The following PTPRB variants were observed in gnomAD, a reference collection of about 807,000 sequenced individuals.
PTPRB encodes the protein protein tyrosine phosphatase receptor type B, also known as receptor-type tyrosine-protein phosphatase beta.
A neutral mutation model predicts 238.1 loss-of-function variants in PTPRB; 97 were observed. The ratio of observed to expected loss-of-function variants is 0.41; its 90% CI spans 0.35 to 0.48. PTPRB has a LOEUF of 0.48. PTPRB is among the 20% of genes least tolerant of loss of function. PTPRB has a pLI of 0.30. For missense variants in PTPRB, 2,292 were observed against 2,681.9 expected (o/e 0.85, Z 3.21); for synonymous variants, 970 against 995.4 (o/e 0.97, Z 0.48).
intron 2 of PTPRB, among the ~76,000 whole-genome samples, chr12:70,626,133 T>G (rs771917650): frequency 1.3e-5 from 2 of 149,456 alleles, no homozygotes; most frequent in Non-Finnish European, 2.9e-5. Flanking sequence ...ATAACTTGAA[T>G]GAAACTCATT....
intron 3 of PTPRB, among the ~76,000 whole-genome samples, chr12:70,611,468 G>T (rs1487640521): frequency 6.6e-6 from 1 of 151,280 alleles, no homozygotes; most frequent in Admixed American, 6.6e-5. Flanking sequence ...TTTTTTGTGT[G>T]TGTGTATTTT....
At chr12:70,630,973 G>T (rs1373012257) in intron 2 of PTPRB, among the ~76,000 whole-genome samples, 1 of 152,164 alleles carries the variant, frequency 6.6e-6, no homozygotes, top group Non-Finnish European at 1.5e-5. Flanking sequence ...TGGATAGGAA[G>T]AATCAATATC....
intron 2 of PTPRB, among the ~76,000 whole-genome samples, chr12:70,631,602 T>TTC (rs1885456960): frequency 1.3e-5 from 2 of 151,910 alleles, no homozygotes; most frequent in Non-Finnish European, 2.9e-5. Context: ...ACTAAAGAGC[T>TTC]TCTGCACAGC....
intron 20 of PTPRB, among the ~76,000 whole-genome samples, chr12:70,554,731 T>G (rs527717933): frequency 9.9e-5 from 15 of 152,170 alleles, no homozygotes; most frequent in Non-Finnish European, 1.8e-4. Flanking sequence ...TTGAGGCATT[T>G]GAGACAGGGA....
rs1277697610 is a variant in PTPRB at position 70,581,314 on chromosome 12, G to A, written c.2312-12C>T. 1.9e-6 allele frequency: 3 copies of A among 1,586,108 alleles called. No homozygotes were observed. Among genetic ancestry groups the A allele is most frequent in the African/African-American group, 1.4e-5 (1 of 73,650 alleles). Reference sequence around the variant, plus strand: ...CACTTGGGCAGGCACTAAAACAGTAGACAGAAGAAAAAACAAATGACACTT... The same window carrying A: ...CACTTGGGCAGGCACTAAAACAGTAAACAGAAGAAAAAACAAATGACACTT... On this transcript the variant is annotated splice_polypyrimidine_tract_variant and intron_variant, in intron 9 of 33. Transcript: ENST00000334414.
chr12:70,622,614 T>C lies in PTPRB; in HGVS notation c.484A>G (p.Thr162Ala), dbSNP rs767677027. The C allele has an allele frequency of 1.9e-6, 3 of 1,581,166 alleles. No homozygotes were observed. The South Asian group carries it at 3.4e-5, about 18-fold the overall frequency. ...GLGAEVSVRS[T>A]RNTAPPQILT... ...ATCTGGGGTGGAGCCGTGTTTCTAG[T>C]GCTCCTCACCGAAACTTCTGCTCCC... The change falls in exon 3 of 34, where the codon ACT (threonine) becomes GCT (alanine). Residue 162 changes from threonine to alanine, a missense_variant. Physicochemically the swap from Thr to Ala is moderately conservative, Grantham distance 58. Transcript: ENST00000334414.
rs180913167 is a variant in PTPRB, at chr12:70,530,591, A to G, written c.6504+1444T>C. ...TAATATGATAAGTGGGATTTGCTTTAAAATATTTCAGTGGGATAAGGTCAT... is the reference window on the plus strand; with the variant it reads ...TAATATGATAAGTGGGATTTGCTTTGAAATATTTCAGTGGGATAAGGTCAT... On this transcript the variant is annotated intron_variant, in intron 32 of 33. Coordinates refer to ENST00000334414, the MANE Select transcript of PTPRB (RefSeq NM_001109754.4). Among the ~76,000 whole-genome samples the G allele has an allele frequency of 1.5e-3, 228 of 152,304 alleles. 1 individual carries two copies. The highest frequency in any genetic ancestry group is 5.4e-3 in the African/African-American group (223 of 41,558).
chr12:70,585,892 T>C (rs1783269458), intron 9 of PTPRB, among the ~76,000 whole-genome samples: 1 of 151,812 alleles, frequency 6.6e-6, no homozygotes, highest in African/African-American at 2.4e-5. Context: ...TGAGAACATG[T>C]GGTGTTTGAT....
chr12:70,596,372 A>T, intron 4 of PTPRB, 45 bp from the exon 5 acceptor site: 2 of 1,327,970 alleles, frequency 1.5e-6, no homozygotes, highest in Non-Finnish European at 1.9e-6. Flanking sequence ...AAAAAGAAAG[A>T]AAAAGAAAAA....
At position 70,521,489 on chromosome 12, in the gene PTPRB, T is replaced by G; in HGVS notation, c.6648A>C (p.Ter2216CysextTer4). Reference protein sequence around the residue: ...YHRDPVYSRH* With the variant: ...YHRDPVYSRHC The stretch of plus-strand genomic sequence containing the variant: ...ATCCAGGAGCTCTTCAGGTACATTC[T>G]CAATGCCTTGAATAGACTGGATCTG... Residue 2216 changes from the stop codon to cysteine, a stop_lost, in exon 34 of 34, where the codon TGA (stop) becomes TGC (cysteine). Transcript: ENST00000334414. The G allele has an allele frequency of 6.5e-7, 1 of 1,543,826 alleles. No individual in the cohort carries two copies. Among genetic ancestry groups the G allele is most frequent in the Non-Finnish European group, 8.7e-7 (1 of 1,144,588 alleles).
rs1300986496 is a variant in PTPRB, at chr12:70,576,638, G to C, written c.2586C>G (p.Ser862=). 3.2e-6 allele frequency: 4 copies of C among 1,239,634 alleles called. No homozygotes were observed. Among genetic ancestry groups the C allele is most frequent in the Middle Eastern group, 4.7e-4 (2 of 4,292 alleles). The allele number at this position is 1,239,634 out of a possible 1,614,324, so 76.8% of individuals were successfully genotyped here. A position where few individuals can be genotyped will look rare whatever the true frequency, so the allele number is the denominator to read the frequency against. Residue 862 remains serine (S), a synonymous_variant, in exon 11 of 34, where the codon TCC becomes TCG. Transcript: ENST00000334414. The stretch of plus-strand genomic sequence containing the variant: ...TGTTCACCGTTACTCCACTCACACT[G>C]GAAGGGACTGTGATTTTGAAAGGTG... ...QVVVEGRTVP[S]SVSGVTVNNS... is the part of the protein sequence containing the mutation.
chr12:70,548,827 A>T (rs1276959138), intron 21 of PTPRB, among the ~76,000 whole-genome samples: 3 of 152,152 alleles, frequency 2.0e-5, no homozygotes, highest in African/African-American at 7.2e-5. Flanking sequence ...TTCTCTAAAC[A>T]ATTTGTGTAT....
chr12:70,584,126 C>A (rs1007545324), intron 9 of PTPRB, among the ~76,000 whole-genome samples: 1 of 151,896 alleles, frequency 6.6e-6, no homozygotes, highest in Non-Finnish European at 1.5e-5. Flanking sequence ...GTGAACATAA[C>A]AATTAAAATT....
chr12:70,633,493 G>T (rs896488789), intron 2 of PTPRB, among the ~76,000 whole-genome samples: 2 of 151,976 alleles, frequency 1.3e-5, no homozygotes, highest in African/African-American at 4.8e-5. Flanking sequence ...CCCCACAATG[G>T]CATATTTAAG....
At chr12:70,620,864 A>T in intron 3 of PTPRB, among the ~76,000 whole-genome samples, 1 of 152,182 alleles carries the variant, frequency 6.6e-6, no homozygotes, top group Non-Finnish European at 1.5e-5. Flanking sequence ...GGGTTGGAAG[A>T]GGGTGGATAA....
At position 70,592,396 on chromosome 12, in the gene PTPRB, GTGCT is replaced by G; in HGVS notation, c.1662_1665del (p.Leu554PhefsTer12). On this transcript the variant is annotated frameshift_variant, in exon 7 of 34. Transcript: ENST00000334414. LOFTEE classifies it high-confidence loss of function. ...TTAAAGTGAGTTTCAGTAATCCAAG[GTGCT>G]AATACTCTGGATTCCTTGATGGTCC... 1 of 1,613,908 alleles carries G rather than the reference GTGCT, an allele frequency of 6.2e-7. No individual in the cohort carries two copies. The highest frequency in any genetic ancestry group is 8.5e-7 in the Non-Finnish European group (1 of 1,179,834).
chr12:70,540,666 C>T (rs866810468), intron 23 of PTPRB, 192 bp downstream of exon 23: 1 of 565,466 alleles, frequency 1.8e-6, no homozygotes, highest in African/African-American at 1.9e-5. Context: ...CTGAATTCAT[C>T]AATGGGATAT....
Position 70,521,498 on chromosome 12 carries a change from T to G in PTPRB, c.6639A>C (p.Ser2213=), listed in dbSNP as rs1469589729. 6.5e-7 allele frequency: 1 copy of G among 1,546,206 alleles called. No individual in the cohort carries two copies. ...CTCTTCAGGTACATTCTCAATGCCT[T>G]GAATAGACTGGATCTGAAAGGAAGA... is the stretch of plus-strand genomic sequence containing the variant. The part of the protein sequence containing the change: ...NPEYHRDPVY[S]RH Residue 2213 remains serine, a synonymous_variant, in exon 34 of 34, where the codon TCA becomes TCC. Transcript: ENST00000334414.
chr12:70,607,452 AC>A (rs761021899), intron 4 of PTPRB, among the ~76,000 whole-genome samples: 15 of 152,048 alleles, frequency 9.9e-5, no homozygotes, highest in Admixed American at 2.0e-4. Context: ...TGGACTAAAA[AC>A]CCAGCCTTTC....
Sources: allele counts gnomAD v4.1 joint callset (sites outside exome capture counted in the v4.1 genomes callset), GRCh38; gene constraint gnomAD v4.1.1; transcripts MANE v1.5; gene names NCBI Gene and HGNC (gene_info 2026-07-23, HGNC 2026-07-21).